SYNPO: variants seen among roughly 807,000 people sequenced by gnomAD.
SYNPO encodes the protein synaptopodin.
A neutral mutation model predicts 49.5 loss-of-function variants in SYNPO; 19 were observed. The observed-to-expected ratio is 0.38, with a 90% CI of 0.27 to 0.56. The LOEUF (loss-of-function observed/expected upper bound fraction) is 0.56. Ranked by LOEUF, SYNPO falls within the 20% of genes least tolerant of loss-of-function variation. The pLI is 0.68. For missense variants in SYNPO, 1,131 were observed against 1,248.3 expected (o/e 0.91, Z 1.42); for synonymous variants, 536 against 548.0 (o/e 0.98, Z 0.31).
upstream of SYNPO, among the ~76,000 whole-genome samples, chr5:150,598,664 A>C (rs1756467933): frequency 6.6e-6 from 1 of 152,212 alleles, no homozygotes. Flanking sequence ...GAAACTTGCT[A>C]TTGCAGAGCC....
intron 1 of SYNPO, chr5:150,615,285 AAT>A (rs2063040298): frequency 6.6e-6 from 1 of 152,158 alleles, no homozygotes; most frequent in Admixed American, 6.5e-5. Context: ...GCCGGCCAAA[AAT>A]ATTTGTGTGG....
In SYNPO at chr5:150,648,761, T is replaced by C. The variant is rs752694869; in HGVS notation, c.486T>C (p.Thr162=). 6.2e-7 allele frequency: 1 copy of C among 1,614,160 alleles called. No homozygotes were observed. The highest frequency in any genetic ancestry group is 1.7e-5 in the Admixed American group (1 of 60,020). ...CSTLLIDKVS[T]PATTTSTFSR... ...CACTCCTAATTGACAAGGTATCAAC[T>C]CCAGCTACCACCACCAGCACCTTCT... Residue 162 remains threonine (T), a synonymous_variant, in exon 2 of 3, where the codon ACT becomes ACC. Coordinates refer to ENST00000307662, the MANE Select transcript of SYNPO (RefSeq NM_007286.6). The surrounding 1 kb of genome is among the most constrained non-coding windows in gnomAD (Gnocchi z 5.0).
intron 2 of SYNPO, among the ~76,000 whole-genome samples, chr5:150,630,871 G>A (rs1757513811): frequency 2.0e-5 from 3 of 152,110 alleles, no homozygotes; most frequent in South Asian, 4.1e-4. Context: ...TCCCTCTCTG[G>A]GCCTCAAACA....
intron 1 of SYNPO, among the ~76,000 whole-genome samples, chr5:150,647,492 G>A (rs527625801): frequency 4.3e-4 from 66 of 152,352 alleles, no homozygotes; most frequent in African/African-American, 1.5e-3. Context: ...CAAGGAGAGC[G>A]AGCAGCAAGT....
intron 1 of SYNPO, 45 bp from the exon 2 acceptor site, chr5:150,647,899 C>T (rs1295790883): frequency 6.6e-7 from 1 of 1,517,750 alleles, no homozygotes; most frequent in Admixed American, 2.0e-5. Context: ...ACCCCTGTGT[C>T]ACTGCATTCC....
chr5:150,646,792 A>T (rs2151419010), intron 1 of SYNPO, among the ~76,000 whole-genome samples: 1 of 152,350 alleles, frequency 6.6e-6, no homozygotes, highest in South Asian at 2.1e-4. Context: ...TGTTTAAAAA[A>T]ATTAGAGCAC....
intron 1 of SYNPO, among the ~76,000 whole-genome samples, chr5:150,603,000 G>GTA (rs1490739883): frequency 8.2e-6 from 1 of 122,208 alleles, no homozygotes; most frequent in African/African-American, 3.3e-5. Context: ...ACCTTAGGGT[G>GTA]TGTGTGTGTG....
At chr5:150,612,316 G>T (rs180754341) in intron 1 of SYNPO, among the ~76,000 whole-genome samples, 33 of 152,162 alleles carry the variant, frequency 2.2e-4, no homozygotes, top group Non-Finnish European at 4.7e-4. Context: ...TACACCTACA[G>T]TCAATCTCCT....
intron 1 of SYNPO, among the ~76,000 whole-genome samples, chr5:150,615,585 C>T (rs945565997): frequency 5.9e-5 from 9 of 152,212 alleles, no homozygotes; most frequent in East Asian, 1.9e-4. Flanking sequence ...TGGTGTCCTC[C>T]GGGAATCTGA....
intron 1 of SYNPO, among the ~76,000 whole-genome samples, chr5:150,609,825 C>T (rs1002314654): frequency 6.7e-6 from 1 of 150,228 alleles, no homozygotes; most frequent in Admixed American, 6.7e-5. Flanking sequence ...AGCCAGGGCC[C>T]TGTGTGCCAG....
chr5:150,609,021 T>G (rs1275050558), intron 1 of SYNPO, among the ~76,000 whole-genome samples: 1 of 152,212 alleles, frequency 6.6e-6, no homozygotes, highest in Non-Finnish European at 1.5e-5. Context: ...CTAGTCATGG[T>G]TTTAACCAGC....
At chr5:150,627,768 G>A (rs1458137242) in intron 2 of SYNPO, among the ~76,000 whole-genome samples, 1 of 152,068 alleles carries the variant, frequency 6.6e-6, no homozygotes, top group African/African-American at 2.4e-5. Context: ...TGCAACTGGA[G>A]TCTGGAAGAA....
intron 1 of SYNPO, among the ~76,000 whole-genome samples, chr5:150,641,382 A>T (rs957234192): frequency 3.3e-5 from 5 of 152,156 alleles, no homozygotes; most frequent in African/African-American, 1.2e-4. Flanking sequence ...CTGGACTACC[A>T]CAATGGGCTG....
chr5:150,610,302 G>GCCAGAT (rs1163869252), intron 1 of SYNPO, among the ~76,000 whole-genome samples: 1 of 152,212 alleles, frequency 6.6e-6, no homozygotes, highest in African/African-American at 2.4e-5. Context: ...CAGAGCCAGA[G>GCCAGAT]CCAGAACAAA....
At chr5:150,612,864 T>G (rs1014336241) in intron 1 of SYNPO, among the ~76,000 whole-genome samples, 2 of 152,174 alleles carry the variant, frequency 1.3e-5, no homozygotes, top group African/African-American at 4.8e-5. Flanking sequence ...ACTGCAGCCT[T>G]GACCTCCTGG....
chr5:150,647,044 AC>A (rs1391057933), intron 1 of SYNPO, among the ~76,000 whole-genome samples: 1 of 152,060 alleles, frequency 6.6e-6, no homozygotes, highest in Non-Finnish European at 1.5e-5. Flanking sequence ...GGAGTTCGAG[AC>A]CAGCCTGGCC....
At chr5:150,645,181 C>T (rs1337893696) in intron 1 of SYNPO, among the ~76,000 whole-genome samples, 1 of 152,184 alleles carries the variant, frequency 6.6e-6, no homozygotes, top group Non-Finnish European at 1.5e-5. Context: ...TGTCAGAATT[C>T]TTCCAGCTCT....
intron 2 of SYNPO, among the ~76,000 whole-genome samples, chr5:150,628,799 T>C (rs1757446510): frequency 6.6e-6 from 1 of 152,068 alleles, no homozygotes. Context: ...TCTCAGCTCC[T>C]CAGAAGGCTG....
At chr5:150,655,495 G>A (rs2151433396) in intron 2 of SYNPO, among the ~76,000 whole-genome samples, 1 of 152,306 alleles carries the variant, frequency 6.6e-6, no homozygotes, top group South Asian at 2.1e-4. Context: ...CCTAAGTCAT[G>A]GGGAAACCGA....
Sources: allele counts gnomAD v4.1 joint callset (sites outside exome capture counted in the v4.1 genomes callset), GRCh38; gene constraint gnomAD v4.1.1; non-coding constraint Gnocchi (gnomAD v3.1); transcripts MANE v1.5; gene names NCBI Gene and HGNC (gene_info 2026-07-23, HGNC 2026-07-21).